CNTNAP3: variants seen among roughly 807,000 people sequenced by gnomAD.
CNTNAP3 encodes contactin-associated protein-like 3.
Under a neutral mutation model 92.1 loss-of-function variants are expected in CNTNAP3, and 36 were observed. That is an observed-to-expected ratio of 0.39 (90% CI 0.30 to 0.52). CNTNAP3 has a LOEUF of 0.52. Ranked by LOEUF, CNTNAP3 falls within the 20% of genes least tolerant of loss-of-function variation. The pLI is 0.76. For synonymous variants in CNTNAP3, 232 were observed against 422.3 expected, an observed-to-expected ratio of 0.55 and a Z score of 5.53; for missense variants, 534 against 1,069.6, an observed-to-expected ratio of 0.50 and a Z score of 6.98.
rs146762639 is a variant in CNTNAP3, at chr9:39,154,810, C to T, written c.1478-4833G>A. ...TGGCGCACAACATCATGCAGAAGCG[C>T]GGCTTCCGGGAAGGCCGGGGCCTCG... On this transcript the variant is annotated intron_variant, in intron 9 of 23. Transcript: ENST00000297668. The T allele has an allele frequency of 3.3e-3, 605 of 182,978 alleles. 11 individuals are homozygous for T. Among genetic ancestry groups the T allele is most frequent in the African/African-American group, 0.014 (559 of 40,356 alleles). 11.3% of individuals were successfully genotyped at this position (182,978 alleles called of 1,614,324 possible).
At chr9:39,253,167 T>C (rs868599234) in intron 2 of CNTNAP3, among the ~76,000 whole-genome samples, 418 of 7,504 alleles carry the variant, frequency 0.056, 176 homozygotes, top group Non-Finnish European at 0.36. Flanking sequence ...TATATATATA[T>C]ACACACACAC....
At chr9:39,079,679 T>C (rs1215299614) in intron 21 of CNTNAP3, among the ~76,000 whole-genome samples, 61 of 106,850 alleles carry the variant, frequency 5.7e-4, no homozygotes, top group African/African-American at 1.4e-3. Flanking sequence ...ATTATTTCTT[T>C]TTTTCCTTTT....
chr9:39,134,847 T>C (rs532486878), intron 12 of CNTNAP3, among the ~76,000 whole-genome samples: 3 of 152,332 alleles, frequency 2.0e-5, no homozygotes, highest in East Asian at 3.9e-4. Flanking sequence ...AGTTGGGCAT[T>C]GAAGATGATC....
intron 18 of CNTNAP3, among the ~76,000 whole-genome samples, chr9:39,094,082 G>A (rs1250615458): frequency 6.6e-6 from 1 of 151,286 alleles, no homozygotes; most frequent in Non-Finnish European, 1.5e-5. Context: ...GGTTTGAAGA[G>A]GCAGCTCATT....
intron 15 of CNTNAP3, among the ~76,000 whole-genome samples, chr9:39,108,903 CAATT>C (rs766782858): frequency 5.9e-5 from 9 of 151,998 alleles, no homozygotes; most frequent in Non-Finnish European, 8.8e-5. Context: ...AAAATACAAT[CAATT>C]GATAATAAAT....
intron 11 of CNTNAP3, among the ~76,000 whole-genome samples, chr9:39,143,890 T>A (rs1440406133): frequency 6.6e-6 from 1 of 152,194 alleles, no homozygotes; most frequent in South Asian, 2.1e-4. Context: ...CTGAGAAGAT[T>A]CTCAGAATTA....
At chr9:39,093,919 T>C (rs1212769016) in intron 18 of CNTNAP3, among the ~76,000 whole-genome samples, 4 of 151,278 alleles carry the variant, frequency 2.6e-5, no homozygotes, top group African/African-American at 9.7e-5. Context: ...TATGTTTAAC[T>C]ACTTTGAGTT....
chr9:39,083,158 A>G, intron 21 of CNTNAP3, among the ~76,000 whole-genome samples: 1 of 152,068 alleles, frequency 6.6e-6, no homozygotes, highest in Non-Finnish European at 1.5e-5. Flanking sequence ...TGGCATTCTT[A>G]CATATCTAGA....
At chr9:39,119,020 C>T (rs927108362) in intron 13 of CNTNAP3, among the ~76,000 whole-genome samples, 1 of 152,022 alleles carries the variant, frequency 6.6e-6, no homozygotes, top group African/African-American at 2.4e-5. Flanking sequence ...GGGTGATGGA[C>T]TGACTGCACA....
rs57854645 is a variant in CNTNAP3, at chr9:39,134,478, G to C, written c.1877-1343C>G. On this transcript the variant is annotated intron_variant, in intron 12 of 23. Transcript: ENST00000297668. Reference sequence around the variant, plus strand: ...CTCGCTCTGTTGCCCAGGCTGGAGTGCAGTGGCGCTATCTCAGCTCACTGC... The same window carrying C: ...CTCGCTCTGTTGCCCAGGCTGGAGTCCAGTGGCGCTATCTCAGCTCACTGC... Among the ~76,000 whole-genome samples the C allele has an allele frequency of 7.9e-5, 12 of 151,872 alleles. 1 individual carries two copies. The highest frequency in any genetic ancestry group is 2.9e-4 in the African/African-American group (12 of 41,314).
intron 12 of CNTNAP3, among the ~76,000 whole-genome samples, chr9:39,133,398 A>G (rs1821352267): frequency 6.6e-6 from 1 of 152,196 alleles, no homozygotes; most frequent in Non-Finnish European, 1.5e-5. Context: ...ATGACTTTTT[A>G]GTTGTTAAAA....
intron 21 of CNTNAP3, 150 bp from the exon 22 acceptor site, chr9:39,079,070 C>G (rs1362621895): frequency 3.7e-6 from 4 of 1,094,026 alleles, no homozygotes; most frequent in Non-Finnish European, 3.9e-6. Context: ...GGAGAGGTCA[C>G]CGTGAATCTT....
intron 19 of CNTNAP3, among the ~76,000 whole-genome samples, chr9:39,087,515 C>G (rs2118423789): frequency 6.6e-6 from 1 of 151,640 alleles, no homozygotes; most frequent in South Asian, 2.1e-4. Flanking sequence ...GAGGTGGAGT[C>G]TCGCTCTGTC....
chr9:39,069,359 T>C lies in CNTNAP3; in HGVS notation c.*4531A>G, dbSNP rs1825586637. Among the ~76,000 whole-genome samples the C allele has an allele frequency of 6.6e-6, 1 of 152,306 alleles. No homozygotes were observed. The highest frequency in any genetic ancestry group is 1.5e-5 in the Non-Finnish European group (1 of 68,056). On this transcript the variant is annotated 3_prime_UTR_variant, in exon 24 of 24. Coordinates refer to ENST00000297668, the MANE Select transcript of CNTNAP3 (RefSeq NM_033655.5). ...TGATATGAGTCATACAAAGTGCTCATGCAGTCACAGAGGTTCTATTTTAAG... is the reference window on the plus strand; with the variant it reads ...TGATATGAGTCATACAAAGTGCTCACGCAGTCACAGAGGTTCTATTTTAAG...
intron 4 of CNTNAP3, among the ~76,000 whole-genome samples, chr9:39,179,401 G>A (rs1291734955): frequency 1.4e-5 from 1 of 72,654 alleles, no homozygotes; most frequent in Non-Finnish European, 2.6e-5. Flanking sequence ...CAAAGGCACA[G>A]AGGTTTTGTT....
chr9:39,140,693 C>T, intron 11 of CNTNAP3, 55 bp from the exon 12 acceptor site: 5 of 1,537,628 alleles, frequency 3.3e-6, no homozygotes, highest in Non-Finnish European at 4.4e-6. Context: ...GATGTTGAGT[C>T]AGTGTCCAAA....
At chr9:39,145,796 G>A (rs1385526326) in intron 10 of CNTNAP3, among the ~76,000 whole-genome samples, 10 of 140,490 alleles carry the variant, frequency 7.1e-5, no homozygotes, top group Admixed American at 6.1e-4. Flanking sequence ...AAAAGCCTGT[G>A]TGAACTGATC....
At chr9:39,090,463 CAGTA>C (rs1189575031) in intron 18 of CNTNAP3, among the ~76,000 whole-genome samples, 2 of 152,230 alleles carry the variant, frequency 1.3e-5, no homozygotes, top group African/African-American at 4.8e-5. Flanking sequence ...CATGTATACT[CAGTA>C]GTCTCAGAGA....
chr9:39,139,106 T>C (rs1289522908), intron 12 of CNTNAP3, among the ~76,000 whole-genome samples: 1 of 152,172 alleles, frequency 6.6e-6, no homozygotes, highest in Non-Finnish European at 1.5e-5. Flanking sequence ...TATAGCGCAA[T>C]GGGGCATCTA....
Sources: allele counts gnomAD v4.1 joint callset (sites outside exome capture counted in the v4.1 genomes callset), GRCh38; gene constraint gnomAD v4.1.1; transcripts MANE v1.5; gene names NCBI Gene and HGNC (gene_info 2026-07-23, HGNC 2026-07-21).